Variants in TEX15 observed in about 807,000 individuals in gnomAD.
TEX15 encodes testis-expressed protein 15.
TEX15 carries 171 observed loss-of-function variants against 237.3 expected under a neutral mutation model. The observed-to-expected ratio is 0.72, with a 90% confidence interval of 0.64 to 0.82. The LOEUF (loss-of-function observed/expected upper bound fraction) is 0.82. Ranked by LOEUF, TEX15 falls within the 40% of genes least tolerant of loss-of-function variation. The probability of loss-of-function intolerance (pLI) is 0.00; values close to 1 mark genes in which losing one functional copy is unlikely to be tolerated. For missense variants in TEX15, 3,750 were observed against 3,646.5 expected (o/e 1.03, Z -0.73); for synonymous variants, 1,338 against 1,269.8 (o/e 1.05, Z -1.14).
At chr8:30,858,935 C>T (rs1807975361) in intron 6 of TEX15, 105 bp from the exon 7 acceptor site, 1 of 704,766 alleles carries the variant, frequency 1.4e-6, no homozygotes, top group East Asian at 3.2e-5. Flanking sequence ...TATATACTTC[C>T]ATATAAACTT....
At position 30,843,513 on chromosome 8, in the gene TEX15, C is replaced by T; in HGVS notation, c.6654G>A (p.Leu2218=). Residue 2218 remains leucine (L), a synonymous_variant, in exon 8 of 11, where the codon TTG becomes TTA. Coordinates refer to ENST00000643185, the MANE Select transcript of TEX15 (RefSeq NM_001350162.2). ...LEILRKSTLK[L]INVCGDSPKV... ...TAGGAGAGTCCCCACATACATTGAT[C>T]AACTTTAAAGTACTTTTTCTTAAGA... 5 of 1,612,936 alleles carry T rather than the reference C, an allele frequency of 3.1e-6. No homozygotes were observed. The South Asian group carries it at 5.5e-5, about 18-fold the overall frequency.
chr8:30,840,763 G>A (rs552160137), intron 8 of TEX15, among the ~76,000 whole-genome samples: 17 of 152,154 alleles, frequency 1.1e-4, no homozygotes, highest in African/African-American at 3.6e-4. Flanking sequence ...TTAGAAAAAC[G>A]AATTTCATAT....
rs1807215493 is a variant in TEX15, at chr8:30,833,040, C to T, written c.*246G>A. 2 of 328,784 alleles carry T rather than the reference C, an allele frequency of 6.1e-6. No individual in the cohort carries two copies. Among genetic ancestry groups the T allele is most frequent in the Non-Finnish European group, 5.5e-6 (1 of 180,324 alleles). The allele number at this position is 328,784 out of a possible 1,614,324, so 20.4% of individuals were successfully genotyped here. On this transcript the variant is annotated 3_prime_UTR_variant, in exon 11 of 11. Transcript: ENST00000643185. ...AGTTTTAAAGATTTTACCACTATTG[C>T]TTAACTTTGATCATATTACCCTCCC...
chr8:30,836,593 T>C (rs547821999), intron 10 of TEX15, among the ~76,000 whole-genome samples: 1 of 152,338 alleles, frequency 6.6e-6, no homozygotes, highest in South Asian at 2.1e-4. Context: ...CAAGGACATA[T>C]TAGTGATACT....
At position 30,846,139 on chromosome 8, in the gene TEX15, G is replaced by GATA; in HGVS notation, c.4025_4027dup (p.Leu1342dup). The GATA allele has an allele frequency of 6.2e-7, 1 of 1,613,460 alleles. No homozygotes were observed. The highest frequency in any genetic ancestry group is 8.5e-7 in the Non-Finnish European group (1 of 1,179,600). ...TGAAAATGTTTTAATTCGTCCTTGGGATAATGAAGAGAAACACTCAGATGA... is the reference window on the plus strand; with the variant it reads ...TGAAAATGTTTTAATTCGTCCTTGGGATAATAATGAAGAGAAACACTCAGATGA... On this transcript the variant is annotated inframe_insertion, in exon 8 of 11. Transcript: ENST00000643185.
chr8:30,870,957 C>T (rs1291586570), intron 4 of TEX15, among the ~76,000 whole-genome samples: 2 of 152,008 alleles, frequency 1.3e-5, no homozygotes, highest in Non-Finnish European at 2.9e-5. Context: ...AACTGAATTA[C>T]CAGCAAGGAG....
chr8:30,878,096 C>CTTT (rs36096573), intron 3 of TEX15, among the ~76,000 whole-genome samples: 7,175 of 117,896 alleles, frequency 0.061, 385 homozygotes, highest in African/African-American at 0.087. Flanking sequence ...GTAAAGATTG[C>CTTT]TTTTTTTTTT....
chr8:30,842,145 A>G lies in TEX15; in HGVS notation c.8022T>C (p.Ser2674=), dbSNP rs1038689107. 1.2e-6 allele frequency: 2 copies of G among 1,613,004 alleles called. No individual in the cohort carries two copies. Among genetic ancestry groups the G allele is most frequent in the African/African-American group, 1.3e-5 (1 of 74,854 alleles). ...PGENNNKFSI[S]TMLPPVSECI... Reference sequence around the variant, plus strand: ...ACTCTGATACTGGGGGCAACATCGTAGAAATACTAAATTTATTGTTATTTT... The same window carrying G: ...ACTCTGATACTGGGGGCAACATCGTGGAAATACTAAATTTATTGTTATTTT... The change falls in exon 8 of 11, where the codon TCT becomes TCC. Residue 2674 remains serine (S), a synonymous_variant. Coordinates refer to ENST00000643185, the MANE Select transcript of TEX15 (RefSeq NM_001350162.2).
intron 1 of TEX15, among the ~76,000 whole-genome samples, chr8:30,900,121 T>G (rs1205369590): frequency 1.3e-5 from 2 of 152,200 alleles, no homozygotes; most frequent in African/African-American, 2.4e-5. Context: ...GATTGGTCTT[T>G]GAAAATATTT....
intron 7 of TEX15, among the ~76,000 whole-genome samples, chr8:30,851,698 A>T (rs1020975227): frequency 1.3e-5 from 2 of 151,874 alleles, no homozygotes; most frequent in African/African-American, 2.4e-5. Flanking sequence ...TAATTACTTA[A>T]GTTTAGACTG....
In TEX15 at chr8:30,847,559, T is replaced by A; in HGVS notation, c.2608A>T (p.Asn870Tyr). ...DRENQNEAKE[N>Y]SASCVENNIE... ...TTGTTTTCTACACATGAAGCACTAT[T>A]CTCTTTAGCCTCATTTTGGTTTTCT... is the stretch of plus-strand genomic sequence containing the variant. Residue 870 changes from asparagine to tyrosine, a missense_variant, in exon 8 of 11, where the codon AAT (asparagine) becomes TAT (tyrosine). By Grantham distance (143) the Asn-to-Tyr change is moderately radical (BLOSUM62 -2). Coordinates refer to ENST00000643185, the MANE Select transcript of TEX15 (RefSeq NM_001350162.2). 1 of 1,613,058 alleles carries A rather than the reference T, an allele frequency of 6.2e-7. No individual in the cohort carries two copies. Among genetic ancestry groups the A allele is most frequent in the Non-Finnish European group, 8.5e-7 (1 of 1,179,834 alleles).
At chr8:30,900,522 A>T (rs748115692) in intron 1 of TEX15, among the ~76,000 whole-genome samples, 3 of 152,224 alleles carry the variant, frequency 2.0e-5, no homozygotes, top group Admixed American at 2.0e-4. Flanking sequence ...AGTAAGTTGA[A>T]AGATAGTTTT....
chr8:30,875,072 C>A lies in TEX15; in HGVS notation c.167G>T (p.Arg56Ile). Residue 56 changes from arginine to isoleucine, a missense_variant, in exon 4 of 11, where the codon AGA (arginine) becomes ATA (isoleucine). By Grantham distance (97) the Arg-to-Ile change is moderately conservative. Transcript: ENST00000643185. ...VYLSPCYTNSREYSFIHDTLN... is the reference protein window; with the variant it reads ...VYLSPCYTNSIEYSFIHDTLN... The stretch of plus-strand genomic sequence containing the variant: ...AGTATCATGTATAAAACTATACTCT[C>A]TACTATTGGTGTAACAAGGTGACAA... 2 of 1,256,998 alleles carry A rather than the reference C, an allele frequency of 1.6e-6. No homozygotes were observed. Among genetic ancestry groups the A allele is most frequent in the Non-Finnish European group, 2.0e-6 (2 of 999,402 alleles). The allele number at this position is 1,256,998 out of a possible 1,614,324, so 77.9% of individuals were successfully genotyped here. A position where few individuals can be genotyped will look rare whatever the true frequency, so the allele number is the denominator to read the frequency against.
At chr8:30,836,729 G>T (rs934132725) in intron 10 of TEX15, 74 bp downstream of exon 10, 2 of 1,322,166 alleles carry the variant, frequency 1.5e-6, no homozygotes, top group Non-Finnish European at 2.1e-6. Flanking sequence ...CACTTACTGT[G>T]AATTTCACTT....
chr8:30,895,297 CAAAAAAAAAAAAA>C (rs34514049), intron 2 of TEX15, among the ~76,000 whole-genome samples: 2 of 60,500 alleles, frequency 3.3e-5, no homozygotes, highest in African/African-American at 5.1e-5. Flanking sequence ...GACTCCATCT[CAAAAAAAAAAAAA>C]AAAAAAAAAA....
chr8:30,869,429 C>A (rs1027407886), intron 4 of TEX15, among the ~76,000 whole-genome samples: 2 of 151,914 alleles, frequency 1.3e-5, no homozygotes, highest in African/African-American at 4.8e-5. Context: ...TGTAACAAGA[C>A]CAGCTGAAAT....
intron 10 of TEX15, among the ~76,000 whole-genome samples, chr8:30,834,097 A>G (rs768225051): frequency 8.5e-5 from 13 of 152,206 alleles, no homozygotes; most frequent in Non-Finnish European, 1.5e-4. Flanking sequence ...GTTTATCATT[A>G]CAGCATCAGC....
chr8:30,895,297 CAAAAAAAA>C (rs34514049), intron 2 of TEX15, among the ~76,000 whole-genome samples: 2 of 60,476 alleles, frequency 3.3e-5, no homozygotes, highest in South Asian at 6.4e-4. Flanking sequence ...GACTCCATCT[CAAAAAAAA>C]AAAAAAAAAA....
intron 2 of TEX15, among the ~76,000 whole-genome samples, chr8:30,893,032 C>CAAA (rs60813874): frequency 3.8e-4 from 31 of 81,358 alleles, no homozygotes; most frequent in African/African-American, 6.9e-4. Context: ...GACTCTGCCT[C>CAAA]AAAAAAAAAA....
Sources: allele counts gnomAD v4.1 joint callset (sites outside exome capture counted in the v4.1 genomes callset), GRCh38; gene constraint gnomAD v4.1.1; transcripts MANE v1.5; gene names NCBI Gene and HGNC (gene_info 2026-07-23, HGNC 2026-07-21).